The following PPP1R12B variants were observed in gnomAD, a reference collection of about 807,000 sequenced individuals.
PPP1R12B encodes the protein myosin phosphatase target subunit 2.
PPP1R12B carries 76 observed loss-of-function variants against 126.1 expected under a neutral mutation model. The ratio of observed to expected loss-of-function variants is 0.60; its 90% confidence interval spans 0.50 to 0.73. The LOEUF (loss-of-function observed/expected upper bound fraction) is 0.73. PPP1R12B is among the 30% of genes least tolerant of loss of function. The pLI, the probability that PPP1R12B is intolerant of heterozygous loss-of-function variation, is 0.00. For synonymous variants in PPP1R12B, 356 were observed against 434.7 expected, an observed-to-expected ratio of 0.82 and a Z score of 2.25; for missense variants, 1,052 against 1,205.1, an observed-to-expected ratio of 0.87 and a Z score of 1.88.
At chr1:202,525,248 G>T (rs1336306742) in intron 18 of PPP1R12B, among the ~76,000 whole-genome samples, 1 of 152,164 alleles carries the variant, frequency 6.6e-6, no homozygotes, top group African/African-American at 2.4e-5. Context: ...TGGCAGTTTG[G>T]TTATACAGAT....
chr1:202,361,213 G>A (rs1489490995), intron 1 of PPP1R12B, among the ~76,000 whole-genome samples: 1 of 152,110 alleles, frequency 6.6e-6, no homozygotes, highest in African/African-American at 2.4e-5. Context: ...CTTAACTGAA[G>A]TTCCCTATAT....
intron 1 of PPP1R12B, among the ~76,000 whole-genome samples, chr1:202,401,975 G>T (rs1032681359): frequency 1.3e-5 from 2 of 152,196 alleles, no homozygotes; most frequent in African/African-American, 2.4e-5. Flanking sequence ...GTCTTGGCAA[G>T]CTTCACCTAA....
At chr1:202,356,462 G>T (rs1349979797) in intron 1 of PPP1R12B, among the ~76,000 whole-genome samples, 3 of 152,102 alleles carry the variant, frequency 2.0e-5, no homozygotes, top group Non-Finnish European at 2.9e-5. Flanking sequence ...CCCCAAAAAT[G>T]TCTAAGTCCT....
At chr1:202,458,838 C>G (rs941786803) in intron 13 of PPP1R12B, among the ~76,000 whole-genome samples, 1 of 152,230 alleles carries the variant, frequency 6.6e-6, no homozygotes, top group African/African-American at 2.4e-5. Flanking sequence ...CCTGTGTTCA[C>G]AGGTCCAATT....
intron 21 of PPP1R12B, 32 bp downstream of exon 21, chr1:202,564,579 A>C: frequency 6.4e-7 from 1 of 1,552,798 alleles, no homozygotes; most frequent in South Asian, 1.1e-5. Context: ...AAAGATGAGA[A>C]CCAAGGGTTG....
At chr1:202,511,039 TATATC>T (rs886509962) in intron 18 of PPP1R12B, among the ~76,000 whole-genome samples, 25 of 146,798 alleles carry the variant, frequency 1.7e-4, no homozygotes, top group African/African-American at 3.9e-4. Flanking sequence ...ATATAACAAT[TATATC>T]ATAATATAAT....
At chr1:202,498,454 A>G (rs1679830600) in intron 18 of PPP1R12B, among the ~76,000 whole-genome samples, 1 of 152,250 alleles carries the variant, frequency 6.6e-6, no homozygotes, top group Non-Finnish European at 1.5e-5. Context: ...CAGCCTCGCT[A>G]ATAGTGCAGG....
At chr1:202,514,196 CT>C (rs1347936021) in intron 18 of PPP1R12B, among the ~76,000 whole-genome samples, 14 of 151,924 alleles carry the variant, frequency 9.2e-5, no homozygotes, top group African/African-American at 3.1e-4. Context: ...TGATATTGAG[CT>C]TTTTTTCATA....
At chr1:202,577,666 A>T (rs902619566) in intron 23 of PPP1R12B, among the ~76,000 whole-genome samples, 3 of 151,586 alleles carry the variant, frequency 2.0e-5, no homozygotes, top group African/African-American at 7.3e-5. Context: ...CTCCCTTCCC[A>T]CTTTCCTTGT....
rs1679432568 is a variant in PPP1R12B at position 202,495,459 on chromosome 1, C to T, written c.2312C>T (p.Thr771Ile). 6.2e-7 allele frequency: 1 copy of T among 1,607,496 alleles called. No individual in the cohort carries two copies. The highest frequency in any genetic ancestry group is 1.1e-5 in the South Asian group (1 of 89,754). ...ESSETTTNTTTAKEMDKNENE... is the reference protein window; with the variant it reads ...ESSETTTNTTIAKEMDKNENE... ...TCAGAGACTACCACAAACACTACAA[C>T]TGCAAAGGAAATGGACAAAAATGGT... The change falls in exon 16 of 24, where the codon ACT becomes ATT. Residue 771 changes from threonine (T) to isoleucine (I), a missense_variant. Thr to Ile is a moderately conservative substitution (Grantham distance 89, BLOSUM62 -1). Transcript: ENST00000608999.
chr1:202,561,772 C>T (rs1687558552), intron 19 of PPP1R12B, among the ~76,000 whole-genome samples: 1 of 152,152 alleles, frequency 6.6e-6, no homozygotes, highest in African/African-American at 2.4e-5. Context: ...AAAGAGGCCA[C>T]CATTGTCATT....
intron 23 of PPP1R12B, among the ~76,000 whole-genome samples, chr1:202,572,462 C>T (rs1459350954): frequency 1.3e-5 from 2 of 152,184 alleles, no homozygotes; most frequent in Non-Finnish European, 2.9e-5. Flanking sequence ...ATATGTGGCT[C>T]TGTGGTTATG....
chr1:202,531,381 TA>T (rs1254521599), intron 18 of PPP1R12B, among the ~76,000 whole-genome samples: 2 of 152,182 alleles, frequency 1.3e-5, no homozygotes, highest in South Asian at 2.1e-4. Context: ...TAGGGCTTGA[TA>T]TTTTTTAACA....
intron 12 of PPP1R12B, among the ~76,000 whole-genome samples, chr1:202,444,481 G>T (rs1465525624): frequency 6.6e-6 from 1 of 152,054 alleles, no homozygotes; most frequent in Admixed American, 6.6e-5. Context: ...TTTTGCTTTA[G>T]GCTGAATAAC....
intron 2 of PPP1R12B, among the ~76,000 whole-genome samples, chr1:202,421,302 T>TC (rs1443638164): frequency 1.5e-5 from 2 of 129,954 alleles, no homozygotes; most frequent in Admixed American, 1.5e-4. Context: ...TATCTCTCTC[T>TC]TTTTTTTTTT....
chr1:202,488,193 G>T (rs1214741103), intron 13 of PPP1R12B, among the ~76,000 whole-genome samples: 2 of 152,216 alleles, frequency 1.3e-5, no homozygotes, highest in Non-Finnish European at 2.9e-5. Context: ...AGGAGGGACA[G>T]AATGGAACAG....
intron 13 of PPP1R12B, among the ~76,000 whole-genome samples, chr1:202,453,707 CTTTTTT>C (rs60983248): frequency 1.9e-3 from 278 of 145,864 alleles, no homozygotes; most frequent in African/African-American, 6.8e-3. Flanking sequence ...TATAAAGACA[CTTTTTT>C]TTTTTTTTAT....
intron 1 of PPP1R12B, among the ~76,000 whole-genome samples, chr1:202,371,112 C>T (rs959306256): frequency 1.3e-5 from 2 of 149,624 alleles, no homozygotes; most frequent in Admixed American, 6.7e-5. Context: ...ATCTTCCAGG[C>T]TCATGCCTTT....
In PPP1R12B at chr1:202,434,776, C is replaced by T. The variant is rs1406333681; in HGVS notation, c.1254+8C>T. The T allele has an allele frequency of 6.2e-7, 1 of 1,612,660 alleles. No homozygotes were observed. Among genetic ancestry groups the T allele is most frequent in the South Asian group, 1.1e-5 (1 of 90,608 alleles). Reference sequence around the variant, plus strand: ...GCCTCTTCTGCTAGGAGGGTGAGTACTTTTTACTTAATTTGGGAATTAGAT... The same window carrying T: ...GCCTCTTCTGCTAGGAGGGTGAGTATTTTTTACTTAATTTGGGAATTAGAT... On this transcript the variant is annotated splice_region_variant and intron_variant, in intron 9 of 23. Coordinates refer to ENST00000608999, the MANE Select transcript of PPP1R12B (RefSeq NM_002481.4).
Sources: allele counts gnomAD v4.1 joint callset (sites outside exome capture counted in the v4.1 genomes callset), GRCh38; gene constraint gnomAD v4.1.1; transcripts MANE v1.5; gene names NCBI Gene and HGNC (gene_info 2026-07-23, HGNC 2026-07-21).